FER1L6: variants seen among roughly 807,000 people sequenced by gnomAD.
FER1L6 encodes fer-1-like protein 6.
In FER1L6, 177 loss-of-function variants were observed where a neutral mutation model predicts 219.2. The ratio of observed to expected loss-of-function variants is 0.81; its 90% CI spans 0.71 to 0.91. The LOEUF (loss-of-function observed/expected upper bound fraction) is 0.91. Ranked by LOEUF, FER1L6 falls within the 40% of genes least tolerant of loss-of-function variation. FER1L6 has a pLI of 0.00. For synonymous variants in FER1L6, 768 were observed against 824.3 expected, an observed-to-expected ratio of 0.93 and a Z score of 1.17; for missense variants, 2,153 against 2,259.9, an observed-to-expected ratio of 0.95 and a Z score of 0.96.
intron 39 of FER1L6, among the ~76,000 whole-genome samples, chr8:124,115,981 T>TA (rs1446039364): frequency 6.6e-6 from 1 of 152,224 alleles, no homozygotes; most frequent in Non-Finnish European, 1.5e-5. Context: ...AAGCATATAC[T>TA]AATGCCAGAG....
Position 123,956,069 on chromosome 8 carries a change from C to T in FER1L6, c.71C>T (p.Ala24Val), listed in dbSNP as rs149657957. 6.5e-5 allele frequency: 104 copies of T among 1,610,060 alleles called. No homozygotes were observed. The African/African-American group carries it at 7.5e-4, about 12-fold the overall frequency. Residue 24 changes from alanine (A) to valine (V), a missense_variant, in exon 2 of 41, where the codon GCG becomes GTG. Physicochemically the swap from Ala to Val is moderately conservative, Grantham distance 64. Transcript: ENST00000522917. Reference sequence around the variant, plus strand: ...GGGTTAATCCTAGCCAACAAGGCTGCGAAAGGTGAGGCTGGGGGTGGGGTG... The same window carrying T: ...GGGTTAATCCTAGCCAACAAGGCTGTGAAAGGTGAGGCTGGGGGTGGGGTG... ...EKGLILANKA[A>V]KDSQGDTEAL... is the part of the protein sequence containing the mutation.
At chr8:124,027,706 T>G (rs554962649) in intron 18 of FER1L6, among the ~76,000 whole-genome samples, 20 of 152,314 alleles carry the variant, frequency 1.3e-4, no homozygotes, top group Admixed American at 9.2e-4. Flanking sequence ...TCGACAGGCA[T>G]GTGCCACCAC....
intron 22 of FER1L6, among the ~76,000 whole-genome samples, chr8:124,054,683 A>C (rs1820200993): frequency 1.3e-5 from 2 of 152,188 alleles, no homozygotes; most frequent in South Asian, 4.1e-4. Flanking sequence ...TGCGGAGGGA[A>C]GAGCAAATTC....
At position 124,052,561 on chromosome 8, in the gene FER1L6, G is replaced by A. The variant is rs114020220; in HGVS notation, c.2874+2805G>A. Among the ~76,000 whole-genome samples, 538 of 152,224 alleles carry A rather than the reference G, an allele frequency of 3.5e-3. 2 individuals carry two copies. Among genetic ancestry groups the A allele is most frequent in the African/African-American group, 0.012 (508 of 41,526 alleles). On this transcript the variant is annotated intron_variant, in intron 22 of 40. Transcript: ENST00000522917. ...AGCACTTTGGGAGGCCGAGGAGCAC[G>A]GATCACCTGAAGTCAGGAGTTGGAG...
At chr8:123,944,007 G>A (rs1231420737) in intron 1 of FER1L6, among the ~76,000 whole-genome samples, 5 of 152,014 alleles carry the variant, frequency 3.3e-5, no homozygotes, top group Non-Finnish European at 5.9e-5. Context: ...GAGATCTGAC[G>A]GGTCAGGGTT....
intron 1 of FER1L6, among the ~76,000 whole-genome samples, chr8:123,929,091 G>A (rs191191468): frequency 1.4e-3 from 219 of 152,268 alleles, no homozygotes; most frequent in African/African-American, 5.1e-3. Flanking sequence ...CTGACTAGAG[G>A]TCCTCTAGAA....
intron 1 of FER1L6, among the ~76,000 whole-genome samples, chr8:123,904,954 T>C (rs548411149): frequency 2.8e-4 from 43 of 152,308 alleles, no homozygotes; most frequent in African/African-American, 8.7e-4. Flanking sequence ...CCATGGAAAT[T>C]GGCAAATGCT....
At chr8:123,895,484 T>C (rs556822444) in intron 1 of FER1L6, among the ~76,000 whole-genome samples, 49 of 152,310 alleles carry the variant, frequency 3.2e-4, no homozygotes, top group African/African-American at 1.1e-3. Context: ...AGGAAGGAAC[T>C]GTTGGTTTAC....
intron 12 of FER1L6, among the ~76,000 whole-genome samples, chr8:124,000,755 A>G (rs750244661): frequency 1.3e-5 from 2 of 152,258 alleles, no homozygotes; most frequent in African/African-American, 2.4e-5. Flanking sequence ...ACAGAAGGTC[A>G]TGATTTATAT....
intron 3 of FER1L6, among the ~76,000 whole-genome samples, chr8:123,964,447 G>A (rs961535210): frequency 1.3e-5 from 2 of 152,236 alleles, no homozygotes; most frequent in Admixed American, 6.5e-5. Context: ...GGGTTAGAGG[G>A]CAGTGGGAAT....
intron 31 of FER1L6, among the ~76,000 whole-genome samples, chr8:124,071,882 G>A (rs1167321016): frequency 6.6e-6 from 1 of 152,080 alleles, no homozygotes; most frequent in Non-Finnish European, 1.5e-5. Context: ...TAGGGAGAGT[G>A]CGAGCTCTGA....
intron 1 of FER1L6, among the ~76,000 whole-genome samples, chr8:123,904,948 G>C (rs1812924664): frequency 6.6e-6 from 1 of 152,194 alleles, no homozygotes; most frequent in Non-Finnish European, 1.5e-5. Context: ...TTTACACCAT[G>C]GAAATTGGCA....
At chr8:124,104,788 TAC>T (rs1179199959) in intron 39 of FER1L6, among the ~76,000 whole-genome samples, 5 of 152,228 alleles carry the variant, frequency 3.3e-5, no homozygotes, top group Non-Finnish European at 7.3e-5. Context: ...GAGAGATATA[TAC>T]AGACTCCTGT....
Position 124,064,425 on chromosome 8 carries a change from A to C in FER1L6, c.3407A>C (p.Tyr1136Ser), listed in dbSNP as rs1222012131. 2.5e-6 allele frequency: 4 copies of C among 1,613,862 alleles called. No homozygotes were observed. The highest frequency in any genetic ancestry group is 1.7e-5 in the Admixed American group (1 of 59,952). ...CAGGATCCCCCAGCAGATCACATTT[A>C]TGTGGATGTTGAGCCACCTCCCACA... ...SSQDPPADHI[Y>S]VDVEPPPTVV... Residue 1136 changes from tyrosine to serine, a missense_variant, in exon 26 of 41, where the codon TAT becomes TCT. By Grantham distance (144) the Tyr-to-Ser change is moderately radical. Transcript: ENST00000522917.
At chr8:123,874,986 A>G (rs573998423) in intron 1 of FER1L6, among the ~76,000 whole-genome samples, 1 of 152,208 alleles carries the variant, frequency 6.6e-6, no homozygotes, top group South Asian at 2.1e-4. Context: ...CATGACGTCA[A>G]GAGATAGAGA....
chr8:123,988,057 C>T lies in FER1L6; in HGVS notation c.1519+1881C>T, dbSNP rs543227879. ...AGGTTGCAGTGAGCTGAGATTGCGC[C>T]ACTGCACTCCAGCCTGGGCGACAGA... On this transcript the variant is annotated intron_variant, in intron 12 of 40. Transcript: ENST00000522917. Among the ~76,000 whole-genome samples the T allele has an allele frequency of 2.6e-5, 4 of 151,826 alleles. No homozygotes were observed. In the South Asian group the frequency reaches 8.3e-4, roughly 32 times the overall value.
intron 32 of FER1L6, among the ~76,000 whole-genome samples, chr8:124,078,704 C>T (rs1322234784): frequency 8.5e-6 from 1 of 117,246 alleles, no homozygotes. Context: ...GGAAGGCATC[C>T]CAGGTGGGAT....
intron 18 of FER1L6, among the ~76,000 whole-genome samples, chr8:124,031,041 G>A (rs1174256062): frequency 1.3e-5 from 2 of 151,958 alleles, no homozygotes; most frequent in Non-Finnish European, 2.9e-5. Flanking sequence ...TCTCTGTTGT[G>A]TTTTCTTTTT....
chr8:123,864,598 C>T (rs1440643174), intron 1 of FER1L6, among the ~76,000 whole-genome samples: 3 of 149,610 alleles, frequency 2.0e-5, no homozygotes, highest in South Asian at 2.1e-4. Context: ...TTCCATTCTC[C>T]GCATCACTTT....
Sources: gnomAD v4.1 joint callset for allele counts (sites outside exome capture counted in the v4.1 genomes callset) on GRCh38, gnomAD v4.1.1 for gene constraint, MANE v1.5 for transcripts, NCBI Gene and HGNC (gene_info 2026-07-23, HGNC 2026-07-21) for gene names.